The following CNTNAP2 variants were observed in gnomAD, a reference collection of about 807,000 sequenced individuals.
CNTNAP2 encodes contactin-associated protein-like 2.
Under a neutral mutation model 155.2 loss-of-function variants are expected in CNTNAP2, and 98 were observed. The ratio of observed to expected loss-of-function variants is 0.63; its 90% confidence interval spans 0.54 to 0.75. The LOEUF is 0.75. Among genes scored for constraint, CNTNAP2 ranks in the 30% least tolerant of loss-of-function variants. The probability of loss-of-function intolerance (pLI) is 0.00; values close to 1 mark genes in which losing one functional copy is unlikely to be tolerated. For missense variants in CNTNAP2, 1,727 were observed against 1,688.1 expected (o/e 1.02, Z -0.40); for synonymous variants, 651 against 631.2 (o/e 1.03, Z -0.47).
chr7:147,604,529 T>G (rs938055877), intron 12 of CNTNAP2, among the ~76,000 whole-genome samples: 2 of 152,212 alleles, frequency 1.3e-5, no homozygotes, highest in African/African-American at 2.4e-5. Flanking sequence ...CAGGTTGTTC[T>G]CAGCTAATCT....
chr7:147,381,272 A>T (rs1329354532), intron 9 of CNTNAP2, among the ~76,000 whole-genome samples: 1 of 152,170 alleles, frequency 6.6e-6, no homozygotes, highest in African/African-American at 2.4e-5. Flanking sequence ...AGTCAGGGTC[A>T]CACAAATACA....
intron 4 of CNTNAP2, among the ~76,000 whole-genome samples, chr7:147,050,974 G>A (rs776031845): frequency 3.3e-5 from 5 of 151,718 alleles, no homozygotes; most frequent in South Asian, 4.2e-4. Context: ...GAACTTCTTC[G>A]CTTTTGTCTG....
chr7:146,593,808 T>C (rs1354435468), intron 1 of CNTNAP2, among the ~76,000 whole-genome samples: 1 of 152,202 alleles, frequency 6.6e-6, no homozygotes, highest in East Asian at 1.9e-4. Context: ...CCCTGAACTC[T>C]TTTTCAACTA....
At chr7:147,104,190 G>C (rs2129278515) in intron 4 of CNTNAP2, among the ~76,000 whole-genome samples, 1 of 152,004 alleles carries the variant, frequency 6.6e-6, no homozygotes, top group East Asian at 1.9e-4. Context: ...TACCTTTTCA[G>C]CTTTTCTCTA....
At chr7:146,976,508 T>C (rs1198209079) in intron 3 of CNTNAP2, among the ~76,000 whole-genome samples, 1 of 152,134 alleles carries the variant, frequency 6.6e-6, no homozygotes, top group Non-Finnish European at 1.5e-5. Flanking sequence ...CTTACAGAAC[T>C]CAGGGAAAGA....
intron 12 of CNTNAP2, among the ~76,000 whole-genome samples, chr7:147,567,249 AGT>A (rs1196323073): frequency 1.3e-5 from 2 of 152,210 alleles, no homozygotes; most frequent in African/African-American, 4.8e-5. Context: ...TCATGAGCTG[AGT>A]GTTGAAGAAC....
chr7:146,177,902 C>G (rs999651663), intron 1 of CNTNAP2, among the ~76,000 whole-genome samples: 1 of 152,214 alleles, frequency 6.6e-6, no homozygotes, highest in East Asian at 1.9e-4. Flanking sequence ...AATTTTAGAA[C>G]TAAAAGAACC....
Position 148,335,858 on chromosome 7 carries a change from C to T in CNTNAP2, c.3476-47791C>T, listed in dbSNP as rs1026883935. On this transcript the variant is annotated intron_variant, in intron 21 of 23. Transcript: ENST00000361727. ...GTATTCTCCAGGTTTAAATATTGTA[C>T]GTTTTTTTTCACAACTTTAACAAAT... Among the ~76,000 whole-genome samples, 6 of 110,266 alleles carry T rather than the reference C, an allele frequency of 5.4e-5. No homozygotes were observed. In the East Asian group the frequency reaches 1.0e-3, roughly 19 times the overall value. The allele number at this position is 110,266 out of a possible 152,430, so 72.3% of individuals were successfully genotyped here.
chr7:147,608,070 G>C (rs1009064620), intron 12 of CNTNAP2, among the ~76,000 whole-genome samples: 2 of 151,960 alleles, frequency 1.3e-5, no homozygotes, highest in Admixed American at 6.6e-5. Context: ...ATCTTCACGT[G>C]CTTAAGGCCT....
intron 4 of CNTNAP2, among the ~76,000 whole-genome samples, chr7:147,099,789 T>C (rs1800618307): frequency 6.6e-6 from 1 of 152,184 alleles, no homozygotes; most frequent in Admixed American, 6.5e-5. Context: ...AGCATTTACT[T>C]AGGATTTATA....
At chr7:147,091,265 A>C (rs1445305819) in intron 4 of CNTNAP2, among the ~76,000 whole-genome samples, 11 of 152,036 alleles carry the variant, frequency 7.2e-5, no homozygotes, top group Non-Finnish European at 1.5e-5. Flanking sequence ...GCTCTTCTGT[A>C]TCCTGATGGG....
At chr7:147,261,687 AT>A (rs1219931203) in intron 8 of CNTNAP2, among the ~76,000 whole-genome samples, 1 of 152,188 alleles carries the variant, frequency 6.6e-6, no homozygotes, top group Non-Finnish European at 1.5e-5. Context: ...GGGGAAAAAA[AT>A]AAAAAATCCA....
intron 15 of CNTNAP2, among the ~76,000 whole-genome samples, chr7:147,979,820 A>C (rs186099181): frequency 1.8e-4 from 28 of 152,098 alleles, no homozygotes; most frequent in African/African-American, 6.7e-4. Flanking sequence ...ACGGGGTTTC[A>C]CCATGTTGGA....
chr7:148,165,730 A>G (rs2116681124), intron 17 of CNTNAP2, among the ~76,000 whole-genome samples: 1 of 152,144 alleles, frequency 6.6e-6, no homozygotes, highest in East Asian at 1.9e-4. Context: ...ACCACAGTTC[A>G]TGCTTTCTTC....
rs570547058 is a variant in CNTNAP2 at position 147,215,148 on chromosome 7, A to T, written c.1348+82639A>T. ...TTTGGGTGGGGACCCAGAGCAAATT[A>T]TATCAATGAAGTGTGGTAAATTGGT... On this transcript the variant is annotated intron_variant, in intron 8 of 23. Coordinates refer to ENST00000361727, the MANE Select transcript of CNTNAP2 (RefSeq NM_014141.6). Among the ~76,000 whole-genome samples, 18 of 152,314 alleles carry T rather than the reference A, an allele frequency of 1.2e-4. No individual in the cohort carries two copies. In the East Asian group the frequency reaches 3.3e-3, roughly 28 times the overall value.
intron 3 of CNTNAP2, among the ~76,000 whole-genome samples, chr7:146,923,562 GA>G (rs1012757853): frequency 4.3e-4 from 65 of 152,260 alleles, no homozygotes; most frequent in Non-Finnish European, 7.1e-4. Context: ...AACTGAGTTT[GA>G]GGAAAGAAAA....
At chr7:146,689,728 A>C (rs1463367742) in intron 1 of CNTNAP2, among the ~76,000 whole-genome samples, 1 of 152,174 alleles carries the variant, frequency 6.6e-6, no homozygotes, top group African/African-American at 2.4e-5. Flanking sequence ...TGTGAGGTAC[A>C]CTGAAGAATA....
intron 1 of CNTNAP2, among the ~76,000 whole-genome samples, chr7:146,338,539 G>C (rs1268750093): frequency 6.6e-6 from 1 of 152,062 alleles, no homozygotes; most frequent in African/African-American, 2.4e-5. Context: ...GAGGTGAACA[G>C]CCTGCTGTTT....
At chr7:146,419,769 G>A (rs1426132608) in intron 1 of CNTNAP2, among the ~76,000 whole-genome samples, 2 of 152,020 alleles carry the variant, frequency 1.3e-5, no homozygotes, top group African/African-American at 4.8e-5. Context: ...AAATATTGCA[G>A]TGTTTACATT....
Sources: allele counts gnomAD v4.1 joint callset (sites outside exome capture counted in the v4.1 genomes callset), GRCh38; gene constraint gnomAD v4.1.1; transcripts MANE v1.5; gene names NCBI Gene and HGNC (gene_info 2026-07-23, HGNC 2026-07-21).